ATXN10: variants seen among roughly 807,000 people sequenced by gnomAD.
The protein encoded by ATXN10 is ataxin 10.
In ATXN10, 28 loss-of-function variants were observed where a neutral mutation model predicts 52.9. The ratio of observed to expected loss-of-function variants is 0.53; its 90% CI spans 0.39 to 0.73. The LOEUF is 0.73. Ranked by LOEUF, ATXN10 falls within the 30% of genes least tolerant of loss-of-function variation. The pLI, the probability that ATXN10 is intolerant of heterozygous loss-of-function variation, is 0.00. For synonymous variants in ATXN10, 226 were observed against 221.5 expected (o/e 1.02, Z -0.18); for missense variants, 565 against 577.0 (o/e 0.98, Z 0.21).
chr22:45,843,227 G>A lies in ATXN10; in HGVS notation c.1425+49G>A, dbSNP rs750984799. 2.5e-6 allele frequency: 4 copies of A among 1,586,208 alleles called. No individual in the cohort carries two copies. The highest frequency in any genetic ancestry group is 2.2e-5 in the East Asian group (1 of 44,768). On this transcript the variant is annotated intron_variant, in intron 11 of 11. Transcript: ENST00000252934. The surrounding 1 kb of genome is among the most constrained non-coding windows in gnomAD (Gnocchi z 4.5). ...CCTTCCCTTTGGTTTGTAGAAAGCT[G>A]TTTCCACTTCCCCATTGCTTCAAGC...
At chr22:45,753,130 G>A (rs2146819405) in intron 9 of ATXN10, among the ~76,000 whole-genome samples, 1 of 151,854 alleles carries the variant, frequency 6.6e-6, no homozygotes, top group African/African-American at 2.4e-5. Context: ...AGTTTTTAGG[G>A]TATGGTTTTT....
rs1423394517 is a variant in ATXN10, at chr22:45,840,657, C to G, written c.1238-2334C>G. Among the ~76,000 whole-genome samples, 3 of 152,196 alleles carry G rather than the reference C, an allele frequency of 2.0e-5. No individual in the cohort carries two copies. The highest frequency in any genetic ancestry group is 2.9e-5 in the Non-Finnish European group (2 of 68,040). ...AGTGGAGCAGTTTGATAGTCCCTTT[C>G]CTCCAGAGACATCCTGCGTTTGCTG... On this transcript the variant is annotated intron_variant, in intron 10 of 11. Coordinates refer to ENST00000252934, the MANE Select transcript of ATXN10 (RefSeq NM_013236.4). The surrounding 1 kb of genome is among the most constrained non-coding windows in gnomAD (Gnocchi z 5.8).
chr22:45,790,820 A>G lies in ATXN10; in HGVS notation c.1174-16139A>G, dbSNP rs1377630324. On this transcript the variant is annotated intron_variant, in intron 9 of 11. Transcript: ENST00000252934. This position sits in a 1 kb window ranked among gnomAD's most constrained non-coding sequence, Gnocchi z 4.7. ...TTATATCTTTTTATCCTGACCTTCT[A>G]GATCTTATTTCCCATTTCATTTATT... Among the ~76,000 whole-genome samples, 1 of 152,102 alleles carries G rather than the reference A, an allele frequency of 6.6e-6. No individual in the cohort carries two copies. Among genetic ancestry groups the G allele is most frequent in the Non-Finnish European group, 1.5e-5 (1 of 68,010 alleles).
rs1926700134 is a variant in ATXN10, at chr22:45,769,474, C to T, written c.1173+28936C>T. On this transcript the variant is annotated intron_variant, in intron 9 of 11. Transcript: ENST00000252934. The surrounding 1 kb of genome is among the most constrained non-coding windows in gnomAD (Gnocchi z 4.2). ...CACAGTATAGGGGGAATGGAGATGG[C>T]TTGGAAAAGAGGTCACCGTGGAGTT... Among the ~76,000 whole-genome samples the T allele has an allele frequency of 1.3e-5, 2 of 152,022 alleles. No individual in the cohort carries two copies. Among genetic ancestry groups the T allele is most frequent in the South Asian group, 4.2e-4 (2 of 4,810 alleles).
At chr22:45,767,929 T>G (rs907069853) in intron 9 of ATXN10, among the ~76,000 whole-genome samples, 1 of 152,238 alleles carries the variant, frequency 6.6e-6, no homozygotes, top group East Asian at 1.9e-4. Flanking sequence ...CTGTTTTATA[T>G]GTGTGTGCTA....
chr22:45,801,976 G>A (rs183929910), intron 9 of ATXN10, among the ~76,000 whole-genome samples: 16 of 152,274 alleles, frequency 1.1e-4, no homozygotes, highest in Admixed American at 9.2e-4. Flanking sequence ...ACCTCCCCAA[G>A]GTCACACAGC....
At chr22:45,796,779 G>A (rs1320058654) in intron 9 of ATXN10, among the ~76,000 whole-genome samples, 5 of 152,288 alleles carry the variant, frequency 3.3e-5, no homozygotes, top group East Asian at 3.9e-4. Context: ...GATTACAGGC[G>A]TGAGCCACTG....
intron 8 of ATXN10, among the ~76,000 whole-genome samples, chr22:45,739,552 G>A (rs905947257): frequency 6.6e-6 from 1 of 152,142 alleles, no homozygotes; most frequent in African/African-American, 2.4e-5. Context: ...TGTATTTTGA[G>A]TACATTGCTT....
intron 5 of ATXN10, among the ~76,000 whole-genome samples, chr22:45,717,165 C>T (rs1924480175): frequency 6.6e-6 from 1 of 152,042 alleles, no homozygotes; most frequent in African/African-American, 2.4e-5. Context: ...CTTCTTGCCC[C>T]CTGTCTGTCA....
intron 9 of ATXN10, among the ~76,000 whole-genome samples, chr22:45,751,131 A>G (rs1048560013): frequency 2.0e-5 from 3 of 151,886 alleles, no homozygotes; most frequent in Non-Finnish European, 2.9e-5. Flanking sequence ...GGGTTTCACC[A>G]TGTTGCCCAG....
At chr22:45,804,957 C>G (rs5765633) in intron 9 of ATXN10, among the ~76,000 whole-genome samples, 29,843 of 152,054 alleles carry the variant, frequency 0.2, 3,800 homozygotes, top group East Asian at 0.53. Flanking sequence ...TGTAATCTGG[C>G]TACATCTCCT....
intron 1 of ATXN10, among the ~76,000 whole-genome samples, chr22:45,687,311 C>T (rs1264375223): frequency 6.6e-6 from 1 of 152,106 alleles, no homozygotes; most frequent in African/African-American, 2.4e-5. Context: ...TTAGTCTGTA[C>T]CATAGTTTGA....
intron 5 of ATXN10, among the ~76,000 whole-genome samples, chr22:45,706,562 C>G (rs1924048987): frequency 6.6e-6 from 1 of 152,208 alleles, no homozygotes; most frequent in South Asian, 2.1e-4. Context: ...GTAGGAACTA[C>G]TTTAGCATCC....
At chr22:45,822,972 T>C (rs1928700556) in intron 10 of ATXN10, 1 of 192,466 alleles carries the variant, frequency 5.2e-6, no homozygotes, top group Non-Finnish European at 1.1e-5. Flanking sequence ...GGATAAAAAT[T>C]ATTTGTTCAG....
intron 9 of ATXN10, among the ~76,000 whole-genome samples, chr22:45,804,416 G>A (rs1249263423): frequency 6.6e-6 from 1 of 152,134 alleles, no homozygotes; most frequent in African/African-American, 2.4e-5. Flanking sequence ...GAAATTAGAT[G>A]GTTACCAACT....
Position 45,803,080 on chromosome 22 carries a change from C to CT in ATXN10, c.1174-3879_1174-3878insT, listed in dbSNP as rs1244699028. Among the ~76,000 whole-genome samples the CT allele has an allele frequency of 4.6e-5, 7 of 152,322 alleles. No individual in the cohort carries two copies. In the East Asian group the frequency reaches 1.2e-3, roughly 25 times the overall value. ...ATGTCACCAACTACTGCTATCACTC[C>CT]CAGTGCTCTTTATTGAGTATTTACT... On this transcript the variant is annotated intron_variant, in intron 9 of 11. Coordinates refer to ENST00000252934, the MANE Select transcript of ATXN10 (RefSeq NM_013236.4).
rs114451808 is a variant in ATXN10 at position 45,842,922 on chromosome 22, T to C, written c.1238-69T>C. 6.4e-5 allele frequency: 98 copies of C among 1,539,484 alleles called. No individual in the cohort carries two copies. The African/African-American group carries it at 1.2e-3, about 19-fold the overall frequency. ...TGTTTCTGTGCTCCTCTACTCCTTT[T>C]CTGATAATTCTTATGTGAAGTTATC... is the stretch of plus-strand genomic sequence containing the variant. On this transcript the variant is annotated intron_variant, in intron 10 of 11. Coordinates refer to ENST00000252934, the MANE Select transcript of ATXN10 (RefSeq NM_013236.4). This position sits in a 1 kb window ranked among gnomAD's most constrained non-coding sequence, Gnocchi z 4.8.
chr22:45,731,713 G>T (rs1182651511), intron 7 of ATXN10, among the ~76,000 whole-genome samples: 1 of 152,184 alleles, frequency 6.6e-6, no homozygotes, highest in Non-Finnish European at 1.5e-5. Context: ...TCATGGCTAT[G>T]ACTGCTCGCC....
intron 9 of ATXN10, among the ~76,000 whole-genome samples, chr22:45,746,256 T>G (rs1925721468): frequency 6.6e-6 from 1 of 151,020 alleles, no homozygotes; most frequent in South Asian, 2.1e-4. Context: ...GGGTGTACTA[T>G]TTTCCACCCT....
Sources: gnomAD v4.1 joint callset for allele counts (sites outside exome capture counted in the v4.1 genomes callset) on GRCh38, gnomAD v4.1.1 for gene constraint, Gnocchi (gnomAD v3.1) non-coding constraint, MANE v1.5 for transcripts, NCBI Gene and HGNC (gene_info 2026-07-23, HGNC 2026-07-21) for gene names.